Variants in PKD2L2 observed in about 807,000 individuals in gnomAD.
The protein encoded by PKD2L2 is polycystin-2-like protein 2.
PKD2L2 carries 67 observed loss-of-function variants against 83.9 expected under a neutral mutation model. That is an observed-to-expected ratio of 0.80 (90% CI 0.66 to 0.98). The LOEUF (loss-of-function observed/expected upper bound fraction) is 0.98, where lower values mean the gene tolerates loss of function less well. Ranked by LOEUF, PKD2L2 falls within the 50% of genes least tolerant of loss-of-function variation. PKD2L2 has a pLI of 0.00. For synonymous variants in PKD2L2, 223 were observed against 237.8 expected (o/e 0.94, Z 0.57); for missense variants, 632 against 717.2 (o/e 0.88, Z 1.36).
In PKD2L2 at chr5:137,899,569, G is replaced by T. The variant is rs773744246; in HGVS notation, c.578G>T (p.Gly193Val). Reference sequence around the variant, plus strand: ...TCCCCTTGGCACTGGGGATTTCTTGGTGTTTACCGAAATGGGGGATACATT... The same window carrying T: ...TCCCCTTGGCACTGGGGATTTCTTGTTGTTTACCGAAATGGGGGATACATT... The part of the protein sequence containing the change: ...TNSPWHWGFL[G>V]VYRNGGYIFT... Residue 193 changes from glycine to valine, a missense_variant, in exon 5 of 15, where the codon GGT (glycine) becomes GTT (valine). By Grantham distance (109) the Gly-to-Val change is moderately radical (BLOSUM62 -3). This residue lies in a region of PKD2L2 where 229 missense variants were observed against 281.5 expected (regional missense o/e 0.81). Transcript: ENST00000508883. 3 of 1,613,812 alleles carry T rather than the reference G, an allele frequency of 1.9e-6. No individual in the cohort carries two copies. Among genetic ancestry groups the T allele is most frequent in the Non-Finnish European group, 1.7e-6 (2 of 1,179,782 alleles).
chr5:137,935,989 C>G, intron 13 of PKD2L2, 80 bp downstream of exon 13: 3 of 838,976 alleles, frequency 3.6e-6, no homozygotes, highest in Non-Finnish European at 5.8e-6. Flanking sequence ...CATTATTTTC[C>G]TGAACCCAAA....
intron 10 of PKD2L2, 61 bp from the exon 11 acceptor site, chr5:137,924,979 A>C: frequency 2.0e-6 from 2 of 995,030 alleles, no homozygotes; most frequent in Non-Finnish European, 3.2e-6. Context: ...TACTTTGATA[A>C]AACATTAATA....
chr5:137,931,494 G>C (rs1297947004), intron 12 of PKD2L2, among the ~76,000 whole-genome samples: 1 of 152,126 alleles, frequency 6.6e-6, no homozygotes, highest in Non-Finnish European at 1.5e-5. Flanking sequence ...GATTCAGATA[G>C]TATTTATTTT....
At chr5:137,910,621 T>A (rs1466667937) in intron 8 of PKD2L2, among the ~76,000 whole-genome samples, 8 of 149,364 alleles carry the variant, frequency 5.4e-5, no homozygotes, top group Non-Finnish European at 8.9e-5. Context: ...AAAAAAAAAA[T>A]ACAAAAAGAT....
rs745847797 is a variant in PKD2L2 at position 137,908,923 on chromosome 5, C to A, written c.1305C>A (p.Asp435Glu). 6.9e-6 allele frequency: 11 copies of A among 1,602,342 alleles called. No homozygotes were observed. In the South Asian group the frequency reaches 1.2e-4, roughly 18 times the overall value. Residue 435 changes from aspartate to glutamate, a missense_variant, in exon 8 of 15, where the codon GAC becomes GAA. Coordinates refer to ENST00000508883, the MANE Select transcript of PKD2L2 (RefSeq NM_001300921.2). ...TTGTTTTTGGATCACAAGTTGATGA[C>A]TTTTCCACTTTTCAGAATTCCATGT... The part of the protein sequence containing the change: ...GFLVFGSQVD[D>E]FSTFQNSIFA...
chr5:137,911,768 T>G (rs1757859113), intron 8 of PKD2L2, among the ~76,000 whole-genome samples: 2 of 152,162 alleles, frequency 1.3e-5, no homozygotes, highest in South Asian at 4.1e-4. Context: ...TCTGTCTAAC[T>G]GAAATTTTAC....
At chr5:137,934,584 G>A (rs980480943) in intron 12 of PKD2L2, among the ~76,000 whole-genome samples, 1 of 152,108 alleles carries the variant, frequency 6.6e-6, no homozygotes, top group African/African-American at 2.4e-5. Flanking sequence ...CGACGCAGGC[G>A]GATTACTTGA....
At chr5:137,928,565 G>A (rs1759574910) in intron 12 of PKD2L2, among the ~76,000 whole-genome samples, 1 of 152,150 alleles carries the variant, frequency 6.6e-6, no homozygotes, top group Admixed American at 6.5e-5. Context: ...CCAAGTAGCT[G>A]GGACTACAGG....
chr5:137,919,634 T>G (rs1461675425), intron 8 of PKD2L2, among the ~76,000 whole-genome samples: 1 of 152,140 alleles, frequency 6.6e-6, no homozygotes, highest in African/African-American at 2.4e-5. Context: ...ACCAATTCCT[T>G]CCAATTCAGT....
intron 5 of PKD2L2, 108 bp from the exon 6 acceptor site, chr5:137,906,098 A>G: frequency 1.6e-6 from 1 of 644,948 alleles, no homozygotes; most frequent in Non-Finnish European, 2.7e-6. Flanking sequence ...ATTAAAAAAA[A>G]CTGATTATCA....
intron 5 of PKD2L2, among the ~76,000 whole-genome samples, chr5:137,900,561 T>C (rs952931605): frequency 2.0e-5 from 3 of 152,184 alleles, no homozygotes; most frequent in African/African-American, 4.8e-5. Context: ...CTAAGGACCA[T>C]TGCCCTGGAA....
At chr5:137,913,100 C>G (rs1054103375) in intron 8 of PKD2L2, among the ~76,000 whole-genome samples, 1 of 151,412 alleles carries the variant, frequency 6.6e-6, no homozygotes, top group Non-Finnish European at 1.5e-5. Flanking sequence ...GTCTGGAACT[C>G]TTGACCTCAG....
chr5:137,914,832 T>C (rs917039755), intron 8 of PKD2L2, among the ~76,000 whole-genome samples: 1 of 152,192 alleles, frequency 6.6e-6, no homozygotes, highest in Non-Finnish European at 1.5e-5. Context: ...ATAGTTTTTA[T>C]CCTGAAAATA....
intron 12 of PKD2L2, among the ~76,000 whole-genome samples, chr5:137,927,442 A>T (rs909581013): frequency 2.7e-4 from 41 of 152,250 alleles, no homozygotes; most frequent in African/African-American, 7.5e-4. Context: ...TTCCAGATTA[A>T]ATGAGATTAA....
chr5:137,940,195 T>A (rs1324481359), intron 14 of PKD2L2: 1 of 1,613,836 alleles, frequency 6.2e-7, no homozygotes, highest in Admixed American at 1.7e-5. Flanking sequence ...TACAACTGAC[T>A]TTATGATATG....
Position 137,942,690 on chromosome 5 carries a change from G to A in PKD2L2, c.*324G>A. ...ATTTTTTTTTAATTTTTGAAATACA[G>A]TAATGTTTTATTTAAAAATGGGAAT... On this transcript the variant is annotated 3_prime_UTR_variant, in exon 15 of 15. Transcript: ENST00000508883. The A allele has an allele frequency of 1.7e-6, 1 of 575,416 alleles. No individual in the cohort carries two copies. The highest frequency in any genetic ancestry group is 3.2e-5 in the East Asian group (1 of 31,652). 35.6% of individuals were successfully genotyped at this position (575,416 alleles called of 1,614,324 possible).
chr5:137,917,433 G>A (rs1323339624), intron 8 of PKD2L2, among the ~76,000 whole-genome samples: 1 of 151,934 alleles, frequency 6.6e-6, no homozygotes, highest in Non-Finnish European at 1.5e-5. Flanking sequence ...TAAAGTGCTG[G>A]GATTACAAGC....
At position 137,901,437 on chromosome 5, in the gene PKD2L2, T is replaced by C. The variant is rs143123148; in HGVS notation, c.746+1700T>C. On this transcript the variant is annotated intron_variant, in intron 5 of 14. Transcript: ENST00000508883. ...AAAAAAAAAAATGCCACAAAGAACA[T>C]TGATTAATAAGGAAGAGAAACAAGC... Among the ~76,000 whole-genome samples the C allele has an allele frequency of 3.6e-3, 552 of 151,838 alleles. 7 individuals carry two copies. The highest frequency in any genetic ancestry group is 0.01 in the Middle Eastern group (3 of 294).
chr5:137,897,602 AAG>A (rs1282841408), intron 4 of PKD2L2, among the ~76,000 whole-genome samples: 2 of 152,224 alleles, frequency 1.3e-5, no homozygotes, highest in Non-Finnish European at 2.9e-5. Flanking sequence ...ACAATGAAAA[AAG>A]AATCAATTTG....
Sources: allele counts gnomAD v4.1 joint callset (sites outside exome capture counted in the v4.1 genomes callset), GRCh38; gene constraint gnomAD v4.1.1; regional missense constraint gnomAD v4.1.1; transcripts MANE v1.5; gene names NCBI Gene and HGNC (gene_info 2026-07-23, HGNC 2026-07-21).